Variants in EXD1 observed in about 807,000 individuals in gnomAD.
EXD1 encodes piRNA biogenesis protein EXD1.
A neutral mutation model predicts 49.1 loss-of-function variants in EXD1; 63 were observed. That is an observed-to-expected ratio of 1.28 (90% CI 1.05 to 1.58). EXD1 has a LOEUF of 1.58. Among genes scored for constraint, EXD1 ranks in the 40% most tolerant of loss-of-function variants. EXD1 has a pLI of 0.00. For missense variants in EXD1, 748 were observed against 666.0 expected (o/e 1.12, Z -1.36); for synonymous variants, 234 against 239.2 (o/e 0.98, Z 0.20).
In EXD1 at chr15:41,184,272, C is replaced by A. The variant is rs374548709; in HGVS notation, c.1378G>T (p.Glu460Ter). The stretch of plus-strand genomic sequence containing the variant: ...TTGTTACTGGAATCCTCACTGGTTT[C>A]CCCTTCCTCTGTGGGAGGTAGATGT... ...PQHLPPTEEG[E>*]TSEDSSNKLI... The change falls in exon 12 of 12, where the codon GAA (glutamate) becomes TAA (stop). Residue 460 changes from glutamate (E) to a stop codon, truncating the protein, a stop_gained. Transcript: ENST00000458580. LOFTEE classifies it low-confidence loss of function (END_TRUNC). 43 of 1,614,062 alleles carry A rather than the reference C, an allele frequency of 2.7e-5. No individual in the cohort carries two copies. Among genetic ancestry groups the A allele is most frequent in the African/African-American group, 4.0e-5 (3 of 74,934 alleles).
In EXD1 at chr15:41,230,372, C is replaced by A. The variant is rs1335708116; in HGVS notation, c.-54+107G>T. On this transcript the variant is annotated intron_variant, in intron 1 of 11. Coordinates refer to ENST00000458580, the MANE Select transcript of EXD1 (RefSeq NM_001286441.2). ...TGCTGGGATTACAGGCGTGAGCCAC[C>A]GTGCCAGGCCTACCTTTTTAATCAA... The A allele has an allele frequency of 2.4e-6, 3 of 1,224,620 alleles. No individual in the cohort carries two copies. The African/African-American group carries it at 4.5e-5, about 18-fold the overall frequency. 75.9% of individuals were successfully genotyped at this position (1,224,620 alleles called of 1,614,324 possible).
chr15:41,186,902 T>C (rs1432122872), intron 11 of EXD1, among the ~76,000 whole-genome samples: 1 of 150,654 alleles, frequency 6.6e-6, no homozygotes, highest in African/African-American at 2.4e-5. Flanking sequence ...TTCTTTTTTT[T>C]TTTTTTGAGA....
chr15:41,205,604 C>T (rs1424407534), intron 7 of EXD1, among the ~76,000 whole-genome samples: 4 of 151,556 alleles, frequency 2.6e-5, no homozygotes, highest in South Asian at 4.2e-4. Flanking sequence ...ATGGTGAAAC[C>T]CTGTCTCCAC....
Position 41,184,523 on chromosome 15 carries a change from G to A in EXD1, c.1127C>T (p.Ala376Val), listed in dbSNP as rs2046374991. The A allele has an allele frequency of 6.2e-7, 1 of 1,613,298 alleles. No homozygotes were observed. Among genetic ancestry groups the A allele is most frequent in the South Asian group, 1.1e-5 (1 of 90,832 alleles). ...TGCATTCACCCTATATTCTCTTGCA[G>A]CTTTCTCCCTGCGCTGCTTCTGGAA... ...KDFQKQRREK[A>V]AREYRVNAQG... The change falls in exon 12 of 12, where the codon GCT (alanine) becomes GTT (valine). Residue 376 changes from alanine (A) to valine (V), a missense_variant. By Grantham distance (64) the Ala-to-Val change is moderately conservative. Coordinates refer to ENST00000458580, the MANE Select transcript of EXD1 (RefSeq NM_001286441.2).
intron 10 of EXD1, 152 bp from the exon 11 acceptor site, chr15:41,190,280 C>A: frequency 1.4e-6 from 1 of 740,322 alleles, no homozygotes; most frequent in Non-Finnish European, 2.3e-6. Context: ...CAAGACCATC[C>A]TGGCCAACAA....
chr15:41,217,042 A>G (rs550471622), intron 4 of EXD1, 55 bp downstream of exon 4: 2 of 1,491,744 alleles, frequency 1.3e-6, no homozygotes, highest in Admixed American at 3.4e-5. Context: ...AAGGCTTTCT[A>G]CCCTAATGTG....
intron 9 of EXD1, among the ~76,000 whole-genome samples, chr15:41,192,610 T>TGAGA (rs2046542610): frequency 2.0e-5 from 2 of 97,804 alleles, no homozygotes; most frequent in Non-Finnish European, 4.0e-5. Flanking sequence ...TTTTTTTTTT[T>TGAGA]TTTTTTTTTT....
chr15:41,230,596 T>C lies in EXD1; in HGVS notation c.-171A>G. 2 of 1,588,956 alleles carry C rather than the reference T, an allele frequency of 1.3e-6. No homozygotes were observed. Among genetic ancestry groups the C allele is most frequent in the Admixed American group, 1.7e-5 (1 of 58,800 alleles). ...CGTTCCTCGAACTTCAGTCTAGAAC[T>C]AAAAGAAGAGGGGCTGCAATGAAGG... On this transcript the variant is annotated 5_prime_UTR_variant, in exon 1 of 12. Coordinates refer to ENST00000458580, the MANE Select transcript of EXD1 (RefSeq NM_001286441.2).
intron 10 of EXD1, 104 bp from the exon 11 acceptor site, chr15:41,190,232 T>C (rs753078738): frequency 2.4e-6 from 3 of 1,250,680 alleles, no homozygotes; most frequent in South Asian, 1.2e-5. Flanking sequence ...CCCAGCACTC[T>C]GGGAGGCTGA....
chr15:41,198,051 G>C (rs2046643621), intron 7 of EXD1, among the ~76,000 whole-genome samples: 1 of 152,170 alleles, frequency 6.6e-6, no homozygotes, highest in African/African-American at 2.4e-5. Flanking sequence ...AAGAAATAAA[G>C]AAATTTTACC....
chr15:41,190,473 C>T (rs2046495362), intron 10 of EXD1: 1 of 263,202 alleles, frequency 3.8e-6, no homozygotes. Context: ...GAGCGAGACT[C>T]CGTCTCAAAA....
At chr15:41,202,621 T>C (rs1408223567) in intron 7 of EXD1, among the ~76,000 whole-genome samples, 1 of 152,134 alleles carries the variant, frequency 6.6e-6, no homozygotes, top group Admixed American at 6.6e-5. Flanking sequence ...GATTATATTA[T>C]ATGCTCAGCT....
chr15:41,216,872 A>G, intron 4 of EXD1, 77 bp from the exon 5 acceptor site: 1 of 1,582,546 alleles, frequency 6.3e-7, no homozygotes, highest in Non-Finnish European at 8.6e-7. Flanking sequence ...GCCACACATT[A>G]ACGTTAAGGA....
At chr15:41,192,228 A>T (rs1187312833) in intron 9 of EXD1, 3 of 152,582 alleles carry the variant, frequency 2.0e-5, no homozygotes, top group Non-Finnish European at 4.4e-5. Flanking sequence ...CAGCCTCCAT[A>T]GTAACCATGA....
chr15:41,226,169 G>A (rs1464110894), intron 2 of EXD1, among the ~76,000 whole-genome samples: 1 of 150,438 alleles, frequency 6.6e-6, no homozygotes, highest in South Asian at 2.1e-4. Flanking sequence ...GGAGAATGGT[G>A]TGAACCCGGG....
rs1029625783 is a variant in EXD1, at chr15:41,191,557, T to A, written c.749A>T (p.Glu250Val). The A allele has an allele frequency of 1.9e-6, 3 of 1,614,048 alleles. 1 individual carries two copies. In the South Asian group the frequency reaches 3.3e-5, roughly 18 times the overall value. Reference sequence around the variant, plus strand: ...GCAGTTTGGAAGATAGCCACCCGTTTCCATGGAAAACTGAAGTACATCTGC... The same window carrying A: ...GCAGTTTGGAAGATAGCCACCCGTTACCATGGAAAACTGAAGTACATCTGC... ...QVADVLQFSM[E>V]TGGYLPNCIT... Residue 250 changes from glutamate to valine, a missense_variant, in exon 10 of 12, where the codon GAA (glutamate) becomes GTA (valine). Glu to Val is a moderately radical substitution (Grantham distance 121, BLOSUM62 -2). Transcript: ENST00000458580.
intron 10 of EXD1, 75 bp downstream of exon 10, chr15:41,191,367 C>A: frequency 7.3e-7 from 1 of 1,369,062 alleles, no homozygotes. Flanking sequence ...CATTTTTCTA[C>A]ATAACAGGCT....
intron 2 of EXD1, among the ~76,000 whole-genome samples, chr15:41,224,333 G>GATT (rs1437704371): frequency 1.3e-5 from 2 of 152,158 alleles, no homozygotes; most frequent in African/African-American, 4.8e-5. Context: ...ATCAATACAT[G>GATT]ATTACTAAAT....
intron 10 of EXD1, 95 bp downstream of exon 10, chr15:41,191,347 T>G (rs1048651243): frequency 2.6e-6 from 3 of 1,164,852 alleles, no homozygotes; most frequent in Non-Finnish European, 3.7e-6. Flanking sequence ...TATGATAACA[T>G]GGCAGCTGTC....
Sources: allele counts gnomAD v4.1 joint callset (sites outside exome capture counted in the v4.1 genomes callset), GRCh38; gene constraint gnomAD v4.1.1; transcripts MANE v1.5; gene names NCBI Gene and HGNC (gene_info 2026-07-23, HGNC 2026-07-21).